CAT: variants seen among roughly 807,000 people sequenced by gnomAD.
The protein encoded by CAT is catalase.
In CAT, 43 loss-of-function variants were observed where a neutral mutation model predicts 59.0. The observed-to-expected ratio is 0.73, with a 90% CI of 0.57 to 0.94. The LOEUF (loss-of-function observed/expected upper bound fraction) is 0.94, where lower values mean the gene tolerates loss of function less well. Among genes scored for constraint, CAT ranks in the 40% least tolerant of loss-of-function variants. CAT has a pLI of 0.00. For missense variants in CAT, 664 were observed against 682.9 expected (o/e 0.97, Z 0.31); for synonymous variants, 218 against 230.9 (o/e 0.94, Z 0.51).
At chr11:34,460,429 C>A (rs1206322130) in intron 8 of CAT, among the ~76,000 whole-genome samples, 3 of 145,886 alleles carry the variant, frequency 2.1e-5, no homozygotes, top group Non-Finnish European at 4.5e-5. Flanking sequence ...CAGAAGGCAG[C>A]ATGGGAGTGG....
At chr11:34,470,133 G>A (rs7947841) in intron 11 of CAT, among the ~76,000 whole-genome samples, 15,555 of 152,128 alleles carry the variant, frequency 0.1, 896 homozygotes, top group East Asian at 0.29. Flanking sequence ...GAGGTACCCT[G>A]GCTATGCACA....
At chr11:34,444,492 T>C (rs1856426548) in intron 1 of CAT, among the ~76,000 whole-genome samples, 1 of 152,216 alleles carries the variant, frequency 6.6e-6, no homozygotes, top group Admixed American at 6.5e-5. Context: ...CAGTCTTTGG[T>C]TTCCTGTACG....
intron 8 of CAT, among the ~76,000 whole-genome samples, chr11:34,457,204 C>G (rs868799339): frequency 3.0e-5 from 2 of 66,180 alleles, no homozygotes; most frequent in Non-Finnish European, 5.8e-5. Context: ...TTTTCTTGTT[C>G]TTTTTTTTTT....
intron 9 of CAT, among the ~76,000 whole-genome samples, chr11:34,463,054 A>G (rs1856668556): frequency 6.6e-6 from 1 of 152,020 alleles, no homozygotes; most frequent in South Asian, 2.1e-4. Context: ...ATACATAGGC[A>G]CCTCTTGATT....
chr11:34,450,225 C>G (rs1856507250), intron 2 of CAT, among the ~76,000 whole-genome samples: 1 of 152,188 alleles, frequency 6.6e-6, no homozygotes, highest in Non-Finnish European at 1.5e-5. Context: ...GCAATTGCAA[C>G]TAAGTTTAAA....
chr11:34,457,379 G>T (rs1856603944), intron 8 of CAT, among the ~76,000 whole-genome samples: 1 of 151,712 alleles, frequency 6.6e-6, no homozygotes, highest in Admixed American at 6.6e-5. Flanking sequence ...GCTAATTTTT[G>T]TATTTTTAGT....
intron 10 of CAT, among the ~76,000 whole-genome samples, chr11:34,466,456 G>A (rs1337475879): frequency 6.6e-6 from 1 of 152,134 alleles, no homozygotes; most frequent in Admixed American, 6.5e-5. Flanking sequence ...TCAGATACAG[G>A]TTTTAAAATG....
Position 34,452,458 on chromosome 11 carries a change from C to T in CAT, c.480+251C>T, listed in dbSNP as rs368969308. Among the ~76,000 whole-genome samples the T allele has an allele frequency of 1.7e-4, 26 of 152,032 alleles. 2 individuals carry two copies. In the East Asian group the frequency reaches 1.9e-3, roughly 11 times the overall value. On this transcript the variant is annotated intron_variant, in intron 4 of 12. Coordinates refer to ENST00000241052, the MANE Select transcript of CAT (RefSeq NM_001752.4). ...GAGTTTAGTTTTCCTTGCAGAGCAT[C>T]GAAGATTAGTAAAAAGAGGGACTTT... is the stretch of plus-strand genomic sequence containing the variant.
chr11:34,444,821 A>ATT (rs1856430142), intron 1 of CAT, among the ~76,000 whole-genome samples: 1 of 152,230 alleles, frequency 6.6e-6, no homozygotes, highest in East Asian at 1.9e-4. Context: ...AGCTCTGGCC[A>ATT]AAAGAAGCCT....
chr11:34,450,916 C>G (rs1309382673), intron 2 of CAT, 72 bp from the exon 3 acceptor site: 2 of 965,276 alleles, frequency 2.1e-6, no homozygotes, highest in Admixed American at 1.7e-5. Context: ...TCTTGTCACC[C>G]AGGTGCCTGT....
At position 34,455,997 on chromosome 11, in the gene CAT, CT is replaced by C; in HGVS notation, c.712-11del. On this transcript the variant is annotated splice_polypyrimidine_tract_variant and intron_variant, in intron 6 of 12. Coordinates refer to ENST00000241052, the MANE Select transcript of CAT (RefSeq NM_001752.4). ...AATAAGTTTCCATTGGAGCTTCTTT[CT>C]TTCATTTTGTAGACTGACCAGGGCA... The C allele has an allele frequency of 6.2e-7, 1 of 1,612,234 alleles. No individual in the cohort carries two copies. The highest frequency in any genetic ancestry group is 8.5e-7 in the Non-Finnish European group (1 of 1,178,956).
Position 34,453,210 on chromosome 11 carries a change from T to C in CAT, c.585+16T>C. On this transcript the variant is annotated intron_variant, in intron 5 of 12. Coordinates refer to ENST00000241052, the MANE Select transcript of CAT (RefSeq NM_001752.4). ...TCTGCATCAGGTATGAACCCTTTTT[T>C]GCCATTGTATTATATCACCTGGGAT... is the stretch of plus-strand genomic sequence containing the variant. The C allele has an allele frequency of 2.1e-6, 3 of 1,458,740 alleles. No homozygotes were observed. The highest frequency in any genetic ancestry group is 2.9e-6 in the Non-Finnish European group (3 of 1,038,162). 90.4% of individuals were successfully genotyped at this position (1,458,740 alleles called of 1,614,324 possible).
rs1467894156 is a variant in CAT at position 34,438,989 on chromosome 11, T to C, written c.-25T>C. 1.3e-6 allele frequency: 2 copies of C among 1,570,956 alleles called. No homozygotes were observed. Among genetic ancestry groups the C allele is most frequent in the Non-Finnish European group, 1.7e-6 (2 of 1,157,164 alleles). The stretch of plus-strand genomic sequence containing the variant: ...ACCCACGAGCCGAGGCCTCCTGCAG[T>C]GTTCTGCACAGCAAACCGCACGCTA... On this transcript the variant is annotated 5_prime_UTR_variant, in exon 1 of 13. Transcript: ENST00000241052.
At chr11:34,448,064 A>G (rs1856480342) in intron 1 of CAT, among the ~76,000 whole-genome samples, 1 of 152,232 alleles carries the variant, frequency 6.6e-6, no homozygotes, top group African/African-American at 2.4e-5. Flanking sequence ...TTTATTCAAT[A>G]TCTTTTTTCA....
chr11:34,467,122 ATATT>A (rs1856728363), intron 10 of CAT, among the ~76,000 whole-genome samples: 1 of 152,238 alleles, frequency 6.6e-6, no homozygotes, highest in Non-Finnish European at 1.5e-5. Flanking sequence ...ATAAACATAC[ATATT>A]TAAAGAGATG....
chr11:34,438,958 G>T lies in CAT; in HGVS notation c.-56G>T. On this transcript the variant is annotated 5_prime_UTR_variant, in exon 1 of 13. Coordinates refer to ENST00000241052, the MANE Select transcript of CAT (RefSeq NM_001752.4). ...CAACAGGCAGATTTGCCTGCTGAGGGTGGAGACCCACGAGCCGAGGCCTCC... is the reference window on the plus strand; with the variant it reads ...CAACAGGCAGATTTGCCTGCTGAGGTTGGAGACCCACGAGCCGAGGCCTCC... The T allele has an allele frequency of 6.8e-7, 1 of 1,474,526 alleles. No homozygotes were observed. The highest frequency in any genetic ancestry group is 9.3e-7 in the Non-Finnish European group (1 of 1,076,418). 91.3% of individuals were successfully genotyped at this position (1,474,526 alleles called of 1,614,324 possible).
At chr11:34,451,544 ACGT>A (rs1856523380) in intron 3 of CAT, among the ~76,000 whole-genome samples, 1 of 152,256 alleles carries the variant, frequency 6.6e-6, no homozygotes, top group Non-Finnish European at 1.5e-5. Flanking sequence ...GATGTTTCTC[ACGT>A]TACAGAGATA....
At chr11:34,439,173 G>A (rs1403654783) in intron 1 of CAT, 94 bp downstream of exon 1, 1 of 1,176,288 alleles carries the variant, frequency 8.5e-7, no homozygotes, top group Non-Finnish European at 1.2e-6. Flanking sequence ...GGCGGCGCTT[G>A]GAGGGACTGT....
At chr11:34,455,906 C>A in intron 6 of CAT, 105 bp from the exon 7 acceptor site, 1 of 879,572 alleles carries the variant, frequency 1.1e-6, no homozygotes, top group South Asian at 1.5e-5. Context: ...AAAGAAAGTT[C>A]ATTCTTTGGG....
Sources: gnomAD v4.1 joint callset for allele counts (sites outside exome capture counted in the v4.1 genomes callset) on GRCh38, gnomAD v4.1.1 for gene constraint, MANE v1.5 for transcripts, NCBI Gene and HGNC (gene_info 2026-07-23, HGNC 2026-07-21) for gene names.